GPC6: variants seen among roughly 807,000 people sequenced by gnomAD.
The protein encoded by GPC6 is glypican 6.
A neutral mutation model predicts 55.2 loss-of-function variants in GPC6; 14 were observed. The ratio of observed to expected loss-of-function variants is 0.25; its 90% CI spans 0.17 to 0.40. GPC6 has a LOEUF of 0.40. Ranked by LOEUF, GPC6 falls within the 10% of genes least tolerant of loss-of-function variation. GPC6 has a pLI of 1.00. For synonymous variants in GPC6, 278 were observed against 259.6 expected (o/e 1.07, Z -0.68); for missense variants, 641 against 708.5 (o/e 0.90, Z 1.08).
intron 3 of GPC6, among the ~76,000 whole-genome samples, chr13:93,882,073 T>C (rs571397411): frequency 1.7e-4 from 26 of 152,000 alleles, no homozygotes; most frequent in African/African-American, 6.0e-4. Flanking sequence ...TTCTTTTCTT[T>C]TCTCTTCTTT....
chr13:93,898,606 A>G (rs1379701991), intron 3 of GPC6, among the ~76,000 whole-genome samples: 1 of 151,542 alleles, frequency 6.6e-6, no homozygotes, highest in Non-Finnish European at 1.5e-5. Context: ...TCCAAAGCTT[A>G]TATAATTTTT....
At chr13:93,381,831 C>T (rs1199500761) in intron 1 of GPC6, among the ~76,000 whole-genome samples, 1 of 152,050 alleles carries the variant, frequency 6.6e-6, no homozygotes, top group African/African-American at 2.4e-5. Flanking sequence ...TTCTTCCATC[C>T]ATCCACCCAT....
intron 1 of GPC6, among the ~76,000 whole-genome samples, chr13:93,290,242 G>T (rs1245810898): frequency 3.9e-5 from 6 of 152,074 alleles, no homozygotes; most frequent in East Asian, 1.9e-4. Context: ...ACAAATGCAG[G>T]CAGTGGCTGC....
At chr13:93,526,323 C>T (rs1034663886) in intron 1 of GPC6, among the ~76,000 whole-genome samples, 8 of 151,946 alleles carry the variant, frequency 5.3e-5, no homozygotes, top group African/African-American at 1.9e-4. Flanking sequence ...CTAAGGTGAT[C>T]AGTGTAAGTT....
chr13:93,586,324 G>A (rs934836208), intron 2 of GPC6, among the ~76,000 whole-genome samples: 1 of 152,140 alleles, frequency 6.6e-6, no homozygotes, highest in Non-Finnish European at 1.5e-5. Flanking sequence ...GTATTCCATG[G>A]TGTATATGTA....
At chr13:94,025,469 TG>T (rs1260803128) in intron 3 of GPC6, 18 of 152,018 alleles carry the variant, frequency 1.2e-4, no homozygotes, top group African/African-American at 4.3e-4. Flanking sequence ...AGGAAAATTC[TG>T]AAACAGTGCT....
intron 4 of GPC6, among the ~76,000 whole-genome samples, chr13:94,192,910 G>A (rs1344435391): frequency 6.6e-6 from 1 of 152,156 alleles, no homozygotes; most frequent in Non-Finnish European, 1.5e-5. Flanking sequence ...GCTGAAACCT[G>A]TGTTTATAGA....
chr13:93,912,624 T>C (rs1245842092), intron 3 of GPC6, among the ~76,000 whole-genome samples: 2 of 152,064 alleles, frequency 1.3e-5, no homozygotes, highest in Non-Finnish European at 2.9e-5. Flanking sequence ...GCGCCTGTAG[T>C]CCCAGCTACT....
In GPC6 at chr13:93,556,333, T is replaced by A. The variant is rs149236658; in HGVS notation, c.319+10912T>A. ...GGATGATATGTTTTGAAGCGCAGTATCTTATTTTATTTTTTTATTTTTAAT... is the reference window on the plus strand; with the variant it reads ...GGATGATATGTTTTGAAGCGCAGTAACTTATTTTATTTTTTTATTTTTAAT... On this transcript the variant is annotated intron_variant, in intron 2 of 8. Coordinates refer to ENST00000377047, the MANE Select transcript of GPC6 (RefSeq NM_005708.5). 6.1e-3 allele frequency among the ~76,000 whole-genome samples: 916 copies of A among 150,400 alleles called. 7 individuals are homozygous for A. Among genetic ancestry groups the A allele is most frequent in the African/African-American group, 0.021 (863 of 41,172 alleles).
rs571674434 is a variant in GPC6, at chr13:94,054,150, A to T, written c.877+26256A>T. On this transcript the variant is annotated intron_variant, in intron 4 of 8. Transcript: ENST00000377047. ...TGTTCAGGTCCTATGATCAAAGAAG[A>T]GGGGACTCTAAACCGAGGAAGTAAA... Among the ~76,000 whole-genome samples, 346 of 152,302 alleles carry T rather than the reference A, an allele frequency of 2.3e-3. 2 individuals are homozygous for T. The highest frequency in any genetic ancestry group is 8.2e-3 in the African/African-American group (339 of 41,574).
intron 6 of GPC6, among the ~76,000 whole-genome samples, chr13:94,376,796 A>T (rs1169304456): frequency 6.6e-6 from 1 of 152,180 alleles, no homozygotes; most frequent in Non-Finnish European, 1.5e-5. Context: ...CTGACTTCAA[A>T]CTATACTACA....
At chr13:94,014,305 C>T (rs772239211) in intron 3 of GPC6, among the ~76,000 whole-genome samples, 6 of 152,178 alleles carry the variant, frequency 3.9e-5, no homozygotes, top group African/African-American at 7.2e-5. Context: ...TCATTTAGGT[C>T]ATGCACGTCA....
intron 1 of GPC6, among the ~76,000 whole-genome samples, chr13:93,539,458 G>A (rs145673699): frequency 5.9e-5 from 9 of 152,126 alleles, no homozygotes; most frequent in South Asian, 4.2e-4. Context: ...AGAGGATCTC[G>A]GAAAGAATTT....
chr13:94,297,358 A>G lies in GPC6; in HGVS notation c.1009-8622A>G, dbSNP rs142542813. The stretch of plus-strand genomic sequence containing the variant: ...AATTACATGCTTACTTATATTCTGC[A>G]AAGTGATCTTACAGAACTGCTTTAA... On this transcript the variant is annotated intron_variant, in intron 5 of 8. Coordinates refer to ENST00000377047, the MANE Select transcript of GPC6 (RefSeq NM_005708.5). Among the ~76,000 whole-genome samples, 159 of 152,298 alleles carry G rather than the reference A, an allele frequency of 1.0e-3. 1 individual carries two copies. The highest frequency in any genetic ancestry group is 1.9e-3 in the Non-Finnish European group (129 of 68,028).
At chr13:94,133,473 A>G (rs1394104578) in intron 4 of GPC6, among the ~76,000 whole-genome samples, 2 of 152,184 alleles carry the variant, frequency 1.3e-5, no homozygotes, top group East Asian at 3.8e-4. Context: ...TATTCATTTT[A>G]TATTATACAA....
chr13:93,908,673 G>T (rs115860840), intron 3 of GPC6, among the ~76,000 whole-genome samples: 1 of 152,270 alleles, frequency 6.6e-6, no homozygotes, highest in African/African-American at 2.4e-5. Context: ...TCATTTTCCT[G>T]TATGGCTCCA....
At chr13:94,014,227 C>T (rs1301072085) in intron 3 of GPC6, among the ~76,000 whole-genome samples, 1 of 152,206 alleles carries the variant, frequency 6.6e-6, no homozygotes, top group East Asian at 1.9e-4. Flanking sequence ...GGAAATTCAT[C>T]TCCACCAACC....
chr13:93,564,327 G>A (rs1489740241), intron 2 of GPC6, among the ~76,000 whole-genome samples: 1 of 152,018 alleles, frequency 6.6e-6, no homozygotes, highest in Non-Finnish European at 1.5e-5. Context: ...ATATATACAT[G>A]AAGGAGTCAT....
chr13:94,044,114 T>C (rs1416304583), intron 4 of GPC6, among the ~76,000 whole-genome samples: 3 of 151,782 alleles, frequency 2.0e-5, no homozygotes, highest in African/African-American at 7.3e-5. Context: ...CATACTAACT[T>C]AGGGCCATAA....
Sources: allele counts gnomAD v4.1 joint callset (sites outside exome capture counted in the v4.1 genomes callset), GRCh38; gene constraint gnomAD v4.1.1; transcripts MANE v1.5; gene names NCBI Gene and HGNC (gene_info 2026-07-23, HGNC 2026-07-21).